Variants in RIN2 observed in about 807,000 individuals in gnomAD.
RIN2 encodes the protein RAB5 interacting protein 2.
In RIN2, 36 loss-of-function variants were observed where a neutral mutation model predicts 78.0. The ratio of observed to expected loss-of-function variants is 0.46; its 90% CI spans 0.35 to 0.61. The LOEUF is 0.61. Ranked by LOEUF, RIN2 falls within the 20% of genes least tolerant of loss-of-function variation. The probability of loss-of-function intolerance (pLI) is 0.00; values close to 1 mark genes in which losing one functional copy is unlikely to be tolerated. For missense variants in RIN2, 1,087 were observed against 1,159.7 expected (o/e 0.94, Z 0.91); for synonymous variants, 466 against 466.8 (o/e 1.00, Z 0.02).
At chr20:19,971,027 C>T in intron 8 of RIN2, 98 bp downstream of exon 8, 1 of 845,140 alleles carries the variant, frequency 1.2e-6, no homozygotes. Flanking sequence ...GTCAATCTCT[C>T]CAGCTTCTCC....
intron 3 of RIN2, among the ~76,000 whole-genome samples, chr20:19,918,353 T>TTGTGTGTG (rs3059683): frequency 2.3e-4 from 34 of 147,222 alleles, no homozygotes; most frequent in Non-Finnish European, 3.2e-4. Flanking sequence ...TACAAATACA[T>TTGTGTGTG]TGTGTGTGTG....
intron 1 of RIN2, among the ~76,000 whole-genome samples, chr20:19,791,101 G>C (rs1271470219): frequency 1.3e-5 from 2 of 152,210 alleles, no homozygotes; most frequent in African/African-American, 4.8e-5. Context: ...GACTTCATGT[G>C]TGTTCCTGTA....
chr20:19,815,001 A>G (rs1217927990), intron 2 of RIN2, among the ~76,000 whole-genome samples: 1 of 152,172 alleles, frequency 6.6e-6, no homozygotes, highest in East Asian at 1.9e-4. Context: ...TGATCATGTA[A>G]TATTTATCCA....
At chr20:19,868,651 C>T (rs1225211039) in intron 2 of RIN2, among the ~76,000 whole-genome samples, 2 of 152,092 alleles carry the variant, frequency 1.3e-5, no homozygotes, top group Admixed American at 1.3e-4. Context: ...GATAAACAGA[C>T]AGCTATAATC....
At chr20:19,844,669 C>CCTCTTCCTCTTCCTCTTCTT (rs1568807647) in intron 2 of RIN2, among the ~76,000 whole-genome samples, 2 of 76,166 alleles carry the variant, frequency 2.6e-5, no homozygotes, top group African/African-American at 1.2e-4. Flanking sequence ...TCTTCTTCTT[C>CCTCTTCCTCTTCCTCTTCTT]CTTCTTCTTC....
intron 9 of RIN2, among the ~76,000 whole-genome samples, chr20:19,979,155 T>C (rs1475702432): frequency 3.3e-5 from 5 of 152,252 alleles, no homozygotes; most frequent in African/African-American, 1.2e-4. Context: ...TCTGACTTGA[T>C]GTCAGTCTTG....
intron 9 of RIN2, among the ~76,000 whole-genome samples, chr20:19,987,011 T>A (rs1365663183): frequency 6.6e-6 from 1 of 152,234 alleles, no homozygotes; most frequent in African/African-American, 2.4e-5. Flanking sequence ...TTTTGCCTGC[T>A]TTTGAACTTC....
chr20:19,951,645 A>G (rs2041319822), intron 4 of RIN2, among the ~76,000 whole-genome samples: 1 of 119,488 alleles, frequency 8.4e-6, no homozygotes, highest in Non-Finnish European at 1.6e-5. Flanking sequence ...TTCTGATTTT[A>G]GCATCCACTC....
At chr20:19,922,909 A>C (rs948304401) in intron 3 of RIN2, among the ~76,000 whole-genome samples, 2 of 152,090 alleles carry the variant, frequency 1.3e-5, no homozygotes, top group Admixed American at 1.3e-4. Context: ...CCCTCCCCCC[A>C]CCAGCACACT....
chr20:19,865,707 C>G (rs943341775), intron 2 of RIN2, among the ~76,000 whole-genome samples: 1 of 151,916 alleles, frequency 6.6e-6, no homozygotes, highest in African/African-American at 2.4e-5. Context: ...GTTCCCCAGC[C>G]TGGTCTCAAA....
chr20:19,935,528 G>T lies in RIN2; in HGVS notation c.158+329G>T, dbSNP rs555569649. 10 of 1,069,588 alleles carry T rather than the reference G, an allele frequency of 9.3e-6. No homozygotes were observed. In the African/African-American group the frequency reaches 1.7e-4, roughly 18 times the overall value. The allele number at this position is 1,069,588 out of a possible 1,614,324, so 66.3% of individuals were successfully genotyped here. A position where few individuals can be genotyped will look rare whatever the true frequency, so the allele number is the denominator to read the frequency against. On this transcript the variant is annotated intron_variant, in intron 4 of 12. Coordinates refer to ENST00000255006, the MANE Select transcript of RIN2 (RefSeq NM_018993.4). ...AGCAAGATCCAGCGTGTGCAAAGTAGAATTCAGTGTAGCCGTGTGAGTCTC... is the reference window on the plus strand; with the variant it reads ...AGCAAGATCCAGCGTGTGCAAAGTATAATTCAGTGTAGCCGTGTGAGTCTC...
intron 1 of RIN2, among the ~76,000 whole-genome samples, chr20:19,769,319 T>C (rs752218806): frequency 4.6e-5 from 7 of 152,204 alleles, no homozygotes; most frequent in Admixed American, 1.3e-4. Flanking sequence ...TTGAAAGCTG[T>C]GGGTCTAGGA....
chr20:19,816,135 A>T (rs2035760334), intron 2 of RIN2, among the ~76,000 whole-genome samples: 1 of 152,216 alleles, frequency 6.6e-6, no homozygotes, highest in African/African-American at 2.4e-5. Flanking sequence ...CATTTATCTC[A>T]AACATACTTT....
intron 3 of RIN2, among the ~76,000 whole-genome samples, chr20:19,906,525 T>C (rs1444511518): frequency 2.0e-5 from 3 of 152,168 alleles, no homozygotes; most frequent in Non-Finnish European, 4.4e-5. Context: ...AGGAAGATAA[T>C]GTAGGCGAGT....
chr20:19,823,725 C>T lies in RIN2; in HGVS notation c.-37+23978C>T, dbSNP rs988138070. ...TGATCATGGCAGAGGCAGAAGGCAC[C>T]ACCTCAATCTGGGCCTGTCTGTTCT... On this transcript the variant is annotated intron_variant, in intron 2 of 12. Coordinates refer to ENST00000255006, the MANE Select transcript of RIN2 (RefSeq NM_018993.4). 3.1e-6 allele frequency: 5 copies of T among 1,589,420 alleles called. No individual in the cohort carries two copies. The Admixed American group carries it at 8.4e-5, about 27-fold the overall frequency.
chr20:19,943,313 G>T (rs556011684), intron 4 of RIN2, among the ~76,000 whole-genome samples: 1 of 152,116 alleles, frequency 6.6e-6, no homozygotes, highest in Non-Finnish European at 1.5e-5. Context: ...CTTACCTCCC[G>T]AAATGGCAGC....
At position 19,889,605 on chromosome 20, in the gene RIN2, A is replaced by T. The variant is rs1252759886; in HGVS notation, c.4A>T (p.Thr2Ser). ...CAGTGGAGCCTCGCTGGGGGAAATG[A>T]CAGCTTGGACCATGGGCGCCCGCGG... The part of the protein sequence containing the change: M[T>S]AWTMGARGLD... Residue 2 changes from threonine to serine, a missense_variant, in exon 3 of 13, where the codon ACA (threonine) becomes TCA (serine). Thr to Ser is a moderately conservative substitution (Grantham distance 58). This residue lies in a region of RIN2 where 706 missense variants were observed against 667.5 expected (regional missense o/e 1.06). Transcript: ENST00000255006. 2 of 1,552,628 alleles carry T rather than the reference A, an allele frequency of 1.3e-6. No homozygotes were observed. Among genetic ancestry groups the T allele is most frequent in the African/African-American group, 2.7e-5 (2 of 73,248 alleles).
intron 2 of RIN2, among the ~76,000 whole-genome samples, chr20:19,871,168 C>CTGA (rs2037679121): frequency 6.6e-6 from 1 of 152,274 alleles, no homozygotes; most frequent in South Asian, 2.1e-4. Context: ...TCATTGTGGT[C>CTGA]TGATGGGAGC....
chr20:19,791,240 A>G (rs760710997), intron 1 of RIN2, among the ~76,000 whole-genome samples: 1 of 151,674 alleles, frequency 6.6e-6, no homozygotes, highest in Non-Finnish European at 1.5e-5. Context: ...TCACAGATAT[A>G]TATGTATTTC....
Sources: gnomAD v4.1 joint callset for allele counts (sites outside exome capture counted in the v4.1 genomes callset) on GRCh38, gnomAD v4.1.1 for gene constraint, gnomAD v4.1.1 regional missense constraint, MANE v1.5 for transcripts, NCBI Gene and HGNC (gene_info 2026-07-23, HGNC 2026-07-21) for gene names.